The following ERC2 variants were observed in gnomAD, a reference collection of about 807,000 sequenced individuals.
The protein encoded by ERC2 is ELKS/RAB6-interacting/CAST family member 2, also known as ERC protein 2.
In ERC2, 42 loss-of-function variants were observed where a neutral mutation model predicts 114.8. The ratio of observed to expected loss-of-function variants is 0.37; its 90% CI spans 0.29 to 0.47. The LOEUF (loss-of-function observed/expected upper bound fraction) is 0.47. Ranked by LOEUF, ERC2 falls within the 20% of genes least tolerant of loss-of-function variation. The pLI is 0.99. For synonymous variants in ERC2, 454 were observed against 425.5 expected (o/e 1.07, Z -0.82); for missense variants, 939 against 1,150.7 (o/e 0.82, Z 2.66).
chr3:55,704,892 G>A (rs1339049606), intron 15 of ERC2, among the ~76,000 whole-genome samples: 1 of 152,228 alleles, frequency 6.6e-6, no homozygotes, highest in East Asian at 1.9e-4. Flanking sequence ...GCCAGGCTAA[G>A]TGTTTGGCCA....
chr3:56,351,556 A>G (rs1046647158), intron 2 of ERC2, among the ~76,000 whole-genome samples: 16 of 152,232 alleles, frequency 1.1e-4, no homozygotes, highest in African/African-American at 3.6e-4. Flanking sequence ...CAACCCAGAA[A>G]ACTAAGCAGC....
intron 17 of ERC2, among the ~76,000 whole-genome samples, chr3:55,573,617 C>G (rs2056833728): frequency 6.6e-6 from 1 of 152,212 alleles, no homozygotes; most frequent in South Asian, 2.1e-4. Context: ...ATTTTTATGA[C>G]TTTCTTTTCC....
intron 1 of ERC2, among the ~76,000 whole-genome samples, chr3:56,446,658 C>T (rs2062589372): frequency 7.1e-6 from 1 of 141,486 alleles, no homozygotes; most frequent in Non-Finnish European, 1.5e-5. Flanking sequence ...CGGGGTCTCC[C>T]TCTGACTCCC....
At chr3:55,656,160 G>A (rs73069875) in intron 17 of ERC2, among the ~76,000 whole-genome samples, 3,559 of 151,722 alleles carry the variant, frequency 0.023, 53 homozygotes, top group South Asian at 0.042. Flanking sequence ...TTTTTTAGAA[G>A]AAAAAGTCTC....
intron 17 of ERC2, among the ~76,000 whole-genome samples, chr3:55,518,161 A>G (rs982756123): frequency 2.6e-5 from 4 of 152,166 alleles, no homozygotes; most frequent in African/African-American, 9.7e-5. Context: ...CCTGGGAGAT[A>G]AAATTGCTCC....
At chr3:55,686,173 G>A (rs1053319604) in intron 16 of ERC2, among the ~76,000 whole-genome samples, 6 of 152,138 alleles carry the variant, frequency 3.9e-5, no homozygotes, top group African/African-American at 9.7e-5. Context: ...CCCAGATGTC[G>A]AGGGTTATTA....
rs546479130 is a variant in ERC2 at position 56,276,805 on chromosome 3, T to C, written c.1074+19214A>G. 4.6e-5 allele frequency among the ~76,000 whole-genome samples: 7 copies of C among 152,180 alleles called. No homozygotes were observed. The South Asian group carries it at 1.0e-3, about 23-fold the overall frequency. ...TGTCCTAGGCCACACATAAAACATATTAACACTAATGATAGCTCCTGAGCC... is the reference window on the plus strand; with the variant it reads ...TGTCCTAGGCCACACATAAAACATACTAACACTAATGATAGCTCCTGAGCC... On this transcript the variant is annotated intron_variant, in intron 3 of 17. Transcript: ENST00000288221.
chr3:55,622,081 G>A (rs746022542), intron 17 of ERC2, among the ~76,000 whole-genome samples: 70 of 152,256 alleles, frequency 4.6e-4, no homozygotes, highest in Non-Finnish European at 8.2e-4. Context: ...GCTTCGTACC[G>A]CCATCCATAG....
At chr3:56,182,476 C>G (rs1221208171) in intron 3 of ERC2, among the ~76,000 whole-genome samples, 1 of 152,236 alleles carries the variant, frequency 6.6e-6, no homozygotes, top group Non-Finnish European at 1.5e-5. Context: ...TAATAACTAA[C>G]AGTTACTTAC....
intron 17 of ERC2, among the ~76,000 whole-genome samples, chr3:55,548,466 C>T (rs1464190539): frequency 2.0e-5 from 3 of 152,276 alleles, no homozygotes; most frequent in Admixed American, 2.0e-4. Context: ...TACACAGTTA[C>T]TCTTAATTTG....
intron 17 of ERC2, chr3:55,657,951 G>A (rs1327203747): frequency 6.6e-6 from 1 of 152,210 alleles, no homozygotes; most frequent in Non-Finnish European, 1.5e-5. Context: ...CACACCTCCT[G>A]TGCTCCCTGG....
intron 17 of ERC2, among the ~76,000 whole-genome samples, chr3:55,675,893 TCTTTTCTTTC>T (rs2061765468): frequency 8.8e-6 from 1 of 113,096 alleles, no homozygotes; most frequent in Non-Finnish European, 1.9e-5. Flanking sequence ...TCTTTCTTTC[TCTTTTCTTTC>T]TTTTTTTTTT....
chr3:56,164,891 TC>T (rs2082246529), intron 4 of ERC2, among the ~76,000 whole-genome samples: 1 of 152,088 alleles, frequency 6.6e-6, no homozygotes, highest in Non-Finnish European at 1.5e-5. Flanking sequence ...TTGTATGTCT[TC>T]TTTGGAGAAA....
intron 2 of ERC2, among the ~76,000 whole-genome samples, chr3:56,410,658 G>A (rs73077719): frequency 0.017 from 2,582 of 152,216 alleles, 26 homozygotes; most frequent in Middle Eastern, 0.054. Context: ...TGGTTTTGGT[G>A]TTTGTTTGGT....
rs13324063 is a variant in ERC2, at chr3:55,763,946, C to A, written c.2565-29028G>T. ...TAAAATAAATGTTGGCTTCTCACGA[C>A]GTATTTTTATGAATATTATTTTAGT... On this transcript the variant is annotated intron_variant, in intron 14 of 17. Transcript: ENST00000288221. 3.3e-3 allele frequency among the ~76,000 whole-genome samples: 507 copies of A among 152,236 alleles called. 5 individuals are homozygous for A. Among genetic ancestry groups the A allele is most frequent in the African/African-American group, 0.012 (487 of 41,546 alleles).
At chr3:56,148,875 C>T (rs1435572356) in intron 5 of ERC2, 102 bp downstream of exon 5, 1 of 1,016,910 alleles carries the variant, frequency 9.8e-7, no homozygotes, top group East Asian at 2.4e-5. Flanking sequence ...TAAATAATAT[C>T]ACATAAAGCA....
At chr3:56,419,825 G>A (rs1399552922) in intron 2 of ERC2, among the ~76,000 whole-genome samples, 1 of 152,056 alleles carries the variant, frequency 6.6e-6, no homozygotes, top group Non-Finnish European at 1.5e-5. Context: ...ACCTTTCTAG[G>A]GAAAATTATG....
intron 17 of ERC2, among the ~76,000 whole-genome samples, chr3:55,586,471 C>A (rs1360564782): frequency 6.6e-6 from 1 of 152,182 alleles, no homozygotes; most frequent in African/African-American, 2.4e-5. Flanking sequence ...AACATAAGAA[C>A]GCAATCTAAA....
chr3:55,647,545 G>C (rs758536719), intron 17 of ERC2, among the ~76,000 whole-genome samples: 4 of 152,106 alleles, frequency 2.6e-5, no homozygotes, highest in Non-Finnish European at 5.9e-5. Context: ...GTTCTGCAGG[G>C]ATACAAGTGT....
Sources: allele counts gnomAD v4.1 joint callset (sites outside exome capture counted in the v4.1 genomes callset), GRCh38; gene constraint gnomAD v4.1.1; transcripts MANE v1.5; gene names NCBI Gene and HGNC (gene_info 2026-07-23, HGNC 2026-07-21).